KCNIP4: variants seen among roughly 807,000 people sequenced by gnomAD.
The protein encoded by KCNIP4 is Kv channel-interacting protein 4.
A neutral mutation model predicts 34.0 loss-of-function variants in KCNIP4; 12 were observed. The observed-to-expected ratio is 0.35, with a 90% CI of 0.23 to 0.57. The LOEUF (loss-of-function observed/expected upper bound fraction) is 0.57. KCNIP4 is among the 20% of genes least tolerant of loss of function. The probability of loss-of-function intolerance (pLI) is 0.83; values close to 1 mark genes in which losing one functional copy is unlikely to be tolerated. For synonymous variants in KCNIP4, 124 were observed against 102.2 expected (o/e 1.21, Z -1.29); for missense variants, 238 against 311.7 (o/e 0.76, Z 1.78).
chr4:21,887,331 G>A (rs533534550), intron 1 of KCNIP4, among the ~76,000 whole-genome samples: 50 of 152,170 alleles, frequency 3.3e-4, no homozygotes, highest in African/African-American at 1.2e-3. Flanking sequence ...TATTCTGGTT[G>A]TATCCTCACT....
At chr4:21,859,348 T>C (rs1430273685) in intron 1 of KCNIP4, among the ~76,000 whole-genome samples, 16 of 151,932 alleles carry the variant, frequency 1.1e-4, no homozygotes, top group Non-Finnish European at 2.2e-4. Context: ...AAGGTATTGT[T>C]AGACTAACCA....
chr4:21,927,566 A>G (rs975268634), intron 1 of KCNIP4, among the ~76,000 whole-genome samples: 24 of 152,204 alleles, frequency 1.6e-4, no homozygotes, highest in Admixed American at 1.3e-3. Flanking sequence ...TCTTGGCCTC[A>G]TGAATGGCCA....
At chr4:20,863,280 A>G (rs9998553) in intron 2 of KCNIP4, among the ~76,000 whole-genome samples, 49,587 of 151,506 alleles carry the variant, frequency 0.33, 8,378 homozygotes, top group African/African-American at 0.39. Context: ...TAGGGGGCTC[A>G]TAGTGCGGTT....
chr4:21,251,422 CGA>C (rs1274329866), intron 1 of KCNIP4, among the ~76,000 whole-genome samples: 1 of 152,010 alleles, frequency 6.6e-6, no homozygotes, highest in East Asian at 1.9e-4. Flanking sequence ...CAGCCAGTAC[CGA>C]GAACACTGTG....
At chr4:21,333,770 T>C (rs1715887303) in intron 1 of KCNIP4, among the ~76,000 whole-genome samples, 1 of 152,110 alleles carries the variant, frequency 6.6e-6, no homozygotes, top group South Asian at 2.1e-4. Flanking sequence ...AATAAAAATC[T>C]TCTACATAAA....
At chr4:21,258,605 A>C (rs916169507) in intron 1 of KCNIP4, among the ~76,000 whole-genome samples, 13 of 152,130 alleles carry the variant, frequency 8.5e-5, no homozygotes, top group South Asian at 2.1e-4. Flanking sequence ...TACACTTCTC[A>C]TTCTGTCAAT....
chr4:21,729,439 T>A (rs1715429222), intron 1 of KCNIP4, among the ~76,000 whole-genome samples: 1 of 152,306 alleles, frequency 6.6e-6, no homozygotes, highest in African/African-American at 2.4e-5. Context: ...AAGCATATTA[T>A]TATTCGAGAA....
chr4:21,390,317 A>C (rs57847629), intron 1 of KCNIP4, among the ~76,000 whole-genome samples: 1 of 151,962 alleles, frequency 6.6e-6, no homozygotes. Flanking sequence ...TTAGATCCCA[A>C]TTGTCAATTT....
rs192375830 is a variant in KCNIP4 at position 21,752,394 on chromosome 4, G to A, written c.61+196177C>T. Among the ~76,000 whole-genome samples, 432 of 152,132 alleles carry A rather than the reference G, an allele frequency of 2.8e-3. 2 individuals are homozygous for A. The highest frequency in any genetic ancestry group is 9.6e-3 in the African/African-American group (398 of 41,526). On this transcript the variant is annotated intron_variant, in intron 1 of 8. Coordinates refer to ENST00000382152, the MANE Select transcript of KCNIP4 (RefSeq NM_025221.6). ...AAGAGAGAGTGAGCAAGCAAAGGGGGAAGAGCCCCTTGTAAAACCATCAGA... is the reference window on the plus strand; with the variant it reads ...AAGAGAGAGTGAGCAAGCAAAGGGGAAAGAGCCCCTTGTAAAACCATCAGA...
chr4:21,879,612 T>C (rs1726347537), intron 1 of KCNIP4, among the ~76,000 whole-genome samples: 1 of 152,238 alleles, frequency 6.6e-6, no homozygotes, highest in African/African-American at 2.4e-5. Context: ...CACAGGAAAG[T>C]ATCAAGAAGG....
intron 1 of KCNIP4, among the ~76,000 whole-genome samples, chr4:21,111,635 G>T (rs1208915307): frequency 6.6e-6 from 1 of 152,172 alleles, no homozygotes; most frequent in African/African-American, 2.4e-5. Context: ...CCCCAAAGAG[G>T]CTCTAAGGAT....
chr4:21,617,160 G>T (rs554664128), intron 1 of KCNIP4, among the ~76,000 whole-genome samples: 2 of 152,188 alleles, frequency 1.3e-5, no homozygotes, highest in South Asian at 4.2e-4. Flanking sequence ...CAAATTAAAA[G>T]GTTGTGTACT....
rs530168194 is a variant in KCNIP4 at position 21,650,901 on chromosome 4, G to A, written c.61+297670C>T. On this transcript the variant is annotated intron_variant, in intron 1 of 8. Transcript: ENST00000382152. ...TAAGACAAGATGCCTATTCTTTGCT[G>A]GTTGTCAGCATGGGGCCACTCAGCT... Among the ~76,000 whole-genome samples the A allele has an allele frequency of 1.1e-4, 17 of 152,240 alleles. 1 individual carries two copies. The highest frequency in any genetic ancestry group is 1.1e-3 in the Admixed American group (17 of 15,276).
At chr4:21,895,563 T>G (rs1292361201) in intron 1 of KCNIP4, among the ~76,000 whole-genome samples, 1 of 152,176 alleles carries the variant, frequency 6.6e-6, no homozygotes, top group Non-Finnish European at 1.5e-5. Context: ...AAGAATTAAA[T>G]AAGTCCACAC....
intron 1 of KCNIP4, among the ~76,000 whole-genome samples, chr4:21,253,242 A>T (rs564481063): frequency 6.6e-6 from 1 of 152,248 alleles, no homozygotes; most frequent in African/African-American, 2.4e-5. Context: ...TTCTCAGATC[A>T]CTGTGAGGGG....
At chr4:21,458,314 G>C (rs1489240484) in intron 1 of KCNIP4, among the ~76,000 whole-genome samples, 1 of 151,712 alleles carries the variant, frequency 6.6e-6, no homozygotes, top group Non-Finnish European at 1.5e-5. Context: ...CCCTACAAAG[G>C]ACAGGAACTC....
chr4:21,732,628 G>A (rs938203318), intron 1 of KCNIP4, among the ~76,000 whole-genome samples: 1 of 152,050 alleles, frequency 6.6e-6, no homozygotes, highest in Non-Finnish European at 1.5e-5. Flanking sequence ...TGCTCCTAAT[G>A]AAGAGCCCCT....
At chr4:20,802,779 T>G (rs1166692896) in intron 3 of KCNIP4, among the ~76,000 whole-genome samples, 1 of 152,080 alleles carries the variant, frequency 6.6e-6, no homozygotes, top group Non-Finnish European at 1.5e-5. Context: ...AAGAGAAATT[T>G]TAAAAATATC....
chr4:21,393,630 C>T (rs1427163397), intron 1 of KCNIP4, among the ~76,000 whole-genome samples: 1 of 152,132 alleles, frequency 6.6e-6, no homozygotes, highest in Admixed American at 6.6e-5. Flanking sequence ...TAATAACTGA[C>T]ATAAACCCTG....
Sources: gnomAD v4.1 joint callset for allele counts (sites outside exome capture counted in the v4.1 genomes callset) on GRCh38, gnomAD v4.1.1 for gene constraint, MANE v1.5 for transcripts, NCBI Gene and HGNC (gene_info 2026-07-23, HGNC 2026-07-21) for gene names.